The following PDE1C variants were observed in gnomAD, a reference collection of about 807,000 sequenced individuals.
The protein encoded by PDE1C is phosphodiesterase 1C.
Under a neutral mutation model 93.1 loss-of-function variants are expected in PDE1C, and 62 were observed. The observed-to-expected ratio is 0.67, with a 90% confidence interval of 0.54 to 0.82. The LOEUF is 0.82. PDE1C is among the 40% of genes least tolerant of loss of function. The pLI is 0.00. For synonymous variants in PDE1C, 325 were observed against 310.1 expected (o/e 1.05, Z -0.50); for missense variants, 742 against 884.6 (o/e 0.84, Z 2.04).
intron 3 of PDE1C, among the ~76,000 whole-genome samples, chr7:32,119,871 T>TC (rs1449031032): frequency 1.3e-5 from 2 of 152,176 alleles, no homozygotes; most frequent in Non-Finnish European, 2.9e-5. Flanking sequence ...CAGCCAAGTT[T>TC]CCCGGGGGAA....
chr7:31,980,167 G>C (rs1584305643), intron 2 of PDE1C, among the ~76,000 whole-genome samples: 1 of 152,114 alleles, frequency 6.6e-6, no homozygotes, highest in African/African-American at 2.4e-5. Context: ...CTAGCATTCT[G>C]CTAGTACATA....
chr7:32,110,715 A>G (rs1798593274), intron 3 of PDE1C, among the ~76,000 whole-genome samples: 1 of 152,186 alleles, frequency 6.6e-6, no homozygotes, highest in African/African-American at 2.4e-5. Flanking sequence ...AGATGACTTT[A>G]ATTGCCTGAG....
At chr7:31,744,720 C>T in the PDE1C span, among the ~76,000 whole-genome samples, 2 of 152,142 alleles carry the variant, frequency 1.3e-5, no homozygotes, top group Non-Finnish European at 2.9e-5. Flanking sequence ...TCATAGAAAA[C>T]ACAACTGTGC....
At chr7:31,963,949 T>C (rs757256581) in intron 2 of PDE1C, among the ~76,000 whole-genome samples, 1 of 152,136 alleles carries the variant, frequency 6.6e-6, no homozygotes, top group Non-Finnish European at 1.5e-5. Context: ...TTTATCTGTG[T>C]TAGGTGTTAA....
At chr7:32,032,273 T>C (rs1296772507) in intron 2 of PDE1C, among the ~76,000 whole-genome samples, 2 of 152,146 alleles carry the variant, frequency 1.3e-5, no homozygotes, top group Non-Finnish European at 2.9e-5. Flanking sequence ...GGAGACCTCA[T>C]GTTCTAAAGA....
chr7:31,880,845 G>A lies in PDE1C; in HGVS notation c.144C>T (p.Val48=). The A allele has an allele frequency of 6.3e-7, 1 of 1,599,640 alleles. No homozygotes were observed. Among genetic ancestry groups the A allele is most frequent in the Non-Finnish European group, 8.6e-7 (1 of 1,167,904 alleles). The change falls in exon 3 of 18, where the codon GTC becomes GTT. Residue 48 remains valine (V), a synonymous_variant. Coordinates refer to ENST00000396191, the MANE Select transcript of PDE1C (RefSeq NM_001191057.4). ...KKTSQRLRSL[V]KQLERGEASV... ...AAGCTTCCCCTCTCTCTAATTGTTTGACCAAAGACCGTAATCTAGAAAAAT... is the reference window on the plus strand; with the variant it reads ...AAGCTTCCCCTCTCTCTAATTGTTTAACCAAAGACCGTAATCTAGAAAAAT...
At chr7:32,006,530 T>C (rs567253986) in intron 2 of PDE1C, among the ~76,000 whole-genome samples, 9 of 152,330 alleles carry the variant, frequency 5.9e-5, no homozygotes, top group East Asian at 1.9e-4. Flanking sequence ...AGAGGCCCTG[T>C]GTCCAAGGAG....
chr7:31,744,893 G>T, the PDE1C span, among the ~76,000 whole-genome samples: 1 of 152,146 alleles, frequency 6.6e-6, no homozygotes, highest in Non-Finnish European at 1.5e-5. Flanking sequence ...TAAAGGTAAG[G>T]CTCTAAGGGC....
At chr7:31,643,217 C>T in the PDE1C span, 1 of 1,613,884 alleles carries the variant, frequency 6.2e-7, no homozygotes, top group South Asian at 1.1e-5. Context: ...GACTCTGAGG[C>T]CCCACGAGAA....
chr7:32,374,291 G>GAAAGAAAGA (rs1784394771), intron 1 of PDE1C, among the ~76,000 whole-genome samples: 1 of 149,156 alleles, frequency 6.7e-6, no homozygotes, highest in Admixed American at 6.6e-5. Flanking sequence ...AAGAAAGAAA[G>GAAAGAAAGA]AAAGAAAGAA....
At chr7:31,835,672 C>T (rs1482329999) in intron 11 of PDE1C, among the ~76,000 whole-genome samples, 2 of 152,026 alleles carry the variant, frequency 1.3e-5, no homozygotes, top group Non-Finnish European at 2.9e-5. Context: ...CCCGCTCCCC[C>T]AACATAAATC....
At chr7:31,663,345 G>A in the PDE1C span, among the ~76,000 whole-genome samples, 249 of 152,228 alleles carry the variant, frequency 1.6e-3, no homozygotes, top group Middle Eastern at 3.4e-3. Context: ...AATGCCATTC[G>A]TTACCAGTAC....
intron 2 of PDE1C, among the ~76,000 whole-genome samples, chr7:31,902,597 T>C (rs1234794783): frequency 1.3e-5 from 2 of 151,778 alleles, no homozygotes; most frequent in Non-Finnish European, 3.0e-5. Flanking sequence ...AATAAGCATA[T>C]CCTGAAATAT....
chr7:31,798,150 T>C (rs1438909289), intron 16 of PDE1C, among the ~76,000 whole-genome samples: 5 of 151,784 alleles, frequency 3.3e-5, no homozygotes, highest in African/African-American at 1.2e-4. Context: ...AACTGGCCAG[T>C]TGACATGAGG....
the PDE1C span, chr7:31,692,603 C>A: frequency 1.5e-6 from 2 of 1,364,076 alleles, no homozygotes; most frequent in South Asian, 1.2e-5. Context: ...GCAGGCAAGT[C>A]AGAGAGAGGG....
chr7:31,867,454 G>C (rs577226937), intron 6 of PDE1C, among the ~76,000 whole-genome samples: 12 of 152,258 alleles, frequency 7.9e-5, no homozygotes, highest in African/African-American at 2.9e-4. Context: ...ATTGGGAACT[G>C]AGTACTCATC....
At chr7:31,760,903 A>C (rs1794793906) in intron 17 of PDE1C, among the ~76,000 whole-genome samples, 1 of 152,144 alleles carries the variant, frequency 6.6e-6, no homozygotes, top group Non-Finnish European at 1.5e-5. Flanking sequence ...TTCTAAAATC[A>C]GTATCTGTTT....
chr7:31,958,097 A>T (rs1584187285), intron 2 of PDE1C, among the ~76,000 whole-genome samples: 1 of 152,188 alleles, frequency 6.6e-6, no homozygotes, highest in Non-Finnish European at 1.5e-5. Context: ...AACATTACAT[A>T]AAAAATGTTT....
At chr7:31,775,875 A>G (rs1001429338) in intron 16 of PDE1C, 143 bp from the exon 17 acceptor site, 16 of 689,236 alleles carry the variant, frequency 2.3e-5, no homozygotes, top group Non-Finnish European at 3.6e-5. Flanking sequence ...AGGGTGGTGC[A>G]TATTCTGTGG....
Sources: gnomAD v4.1 joint callset for allele counts (sites outside exome capture counted in the v4.1 genomes callset) on GRCh38, gnomAD v4.1.1 for gene constraint, MANE v1.5 for transcripts, NCBI Gene and HGNC (gene_info 2026-07-23, HGNC 2026-07-21) for gene names.